The following ANKRD13C variants were observed in gnomAD, a reference collection of about 807,000 sequenced individuals.
The protein encoded by ANKRD13C is ankyrin repeat domain 13C.
A neutral mutation model predicts 65.5 loss-of-function variants in ANKRD13C; 16 were observed. The observed-to-expected ratio is 0.24, with a 90% CI of 0.17 to 0.37. The LOEUF is 0.37. ANKRD13C is among the 10% of genes least tolerant of loss of function. The pLI is 1.00. For missense variants in ANKRD13C, 503 were observed against 655.9 expected, an observed-to-expected ratio of 0.77 and a Z score of 2.55; for synonymous variants, 235 against 238.7, an observed-to-expected ratio of 0.98 and a Z score of 0.14.
At chr1:70,301,973 A>T (rs2101355544) in intron 6 of ANKRD13C, among the ~76,000 whole-genome samples, 2 of 152,256 alleles carry the variant, frequency 1.3e-5, no homozygotes, top group East Asian at 3.9e-4. Context: ...GCTCCGTGAA[A>T]AATCCACCCT....
At chr1:70,271,127 A>G (rs1441390037) in intron 11 of ANKRD13C, among the ~76,000 whole-genome samples, 171 bp from the exon 12 acceptor site, 3 of 152,160 alleles carry the variant, frequency 2.0e-5, no homozygotes, top group Admixed American at 1.3e-4. Flanking sequence ...ATGGTTTACA[A>G]CTTTTGATTG....
intron 1 of ANKRD13C, among the ~76,000 whole-genome samples, chr1:70,351,084 C>T (rs1248675775): frequency 6.6e-6 from 1 of 152,180 alleles, no homozygotes; most frequent in African/African-American, 2.4e-5. Context: ...TCACTTGAAC[C>T]CGGGAGGCAG....
chr1:70,330,029 G>T (rs2101564459), intron 2 of ANKRD13C, among the ~76,000 whole-genome samples: 1 of 150,710 alleles, frequency 6.6e-6, no homozygotes, highest in East Asian at 2.0e-4. Context: ...AGCAGAGATT[G>T]CAGTGAGCCG....
chr1:70,268,822 T>C (rs911914181), intron 12 of ANKRD13C, among the ~76,000 whole-genome samples: 1 of 152,198 alleles, frequency 6.6e-6, no homozygotes, highest in Non-Finnish European at 1.5e-5. Flanking sequence ...AAGCTCTGGC[T>C]GATTCTGAAA....
chr1:70,341,586 C>T (rs147153693), intron 1 of ANKRD13C, among the ~76,000 whole-genome samples: 372 of 152,076 alleles, frequency 2.4e-3, no homozygotes, highest in South Asian at 7.1e-3. Context: ...TCTTGAACTC[C>T]GGACCTCAAG....
intron 1 of ANKRD13C, among the ~76,000 whole-genome samples, chr1:70,342,588 A>AT (rs1382965173): frequency 1.3e-5 from 2 of 152,138 alleles, no homozygotes; most frequent in Admixed American, 1.3e-4. Flanking sequence ...AAATGTATAA[A>AT]TTCCTGAATA....
rs1355713170 is a variant in ANKRD13C, at chr1:70,259,454, G to A, written c.*3263C>T. Among the ~76,000 whole-genome samples the A allele has an allele frequency of 6.6e-6, 1 of 152,110 alleles. No homozygotes were observed. Among genetic ancestry groups the A allele is most frequent in the African/African-American group, 2.4e-5 (1 of 41,422 alleles). Reference sequence around the variant, plus strand: ...ACTGAAAGTATTACTCTTCTAAAATGAACTGTAACAATTAAAAAGCTCATC... The same window carrying A: ...ACTGAAAGTATTACTCTTCTAAAATAAACTGTAACAATTAAAAAGCTCATC... On this transcript the variant is annotated 3_prime_UTR_variant, in exon 13 of 13. Coordinates refer to ENST00000370944, the MANE Select transcript of ANKRD13C (RefSeq NM_030816.5).
chr1:70,298,997 C>T (rs1221384002), intron 7 of ANKRD13C, among the ~76,000 whole-genome samples: 2 of 151,568 alleles, frequency 1.3e-5, no homozygotes, highest in African/African-American at 4.9e-5. Context: ...AAGAACCCCA[C>T]GCCCTTGAGG....
chr1:70,346,787 G>A (rs954861479), intron 1 of ANKRD13C, among the ~76,000 whole-genome samples: 1 of 152,058 alleles, frequency 6.6e-6, no homozygotes, highest in East Asian at 1.9e-4. Context: ...GCCCGAGTGA[G>A]CCTTTTAAAA....
intron 1 of ANKRD13C, among the ~76,000 whole-genome samples, chr1:70,353,517 A>T (rs751667612): frequency 6.6e-6 from 1 of 152,214 alleles, no homozygotes; most frequent in Non-Finnish European, 1.5e-5. Context: ...ACCTGGTGGC[A>T]GGCAAAATCA....
intron 6 of ANKRD13C, among the ~76,000 whole-genome samples, chr1:70,305,481 C>A (rs1680548614): frequency 6.6e-6 from 1 of 152,002 alleles, no homozygotes; most frequent in Non-Finnish European, 1.5e-5. Flanking sequence ...GATATACAGA[C>A]ACACACATAC....
At chr1:70,323,890 A>AT (rs201329860) in intron 3 of ANKRD13C, among the ~76,000 whole-genome samples, 10,645 of 151,196 alleles carry the variant, frequency 0.07, 480 homozygotes, top group South Asian at 0.2. Flanking sequence ...ATGCCTGGCA[A>AT]TTTTTTTGTA....
At chr1:70,270,321 C>G (rs1468415439) in intron 12 of ANKRD13C, among the ~76,000 whole-genome samples, 2 of 152,256 alleles carry the variant, frequency 1.3e-5, no homozygotes, top group African/African-American at 4.8e-5. Flanking sequence ...TAATTTAAAT[C>G]AAGTAGAATA....
intron 1 of ANKRD13C, among the ~76,000 whole-genome samples, chr1:70,345,544 T>C (rs140682675): frequency 1.5e-3 from 221 of 152,168 alleles, no homozygotes; most frequent in African/African-American, 5.0e-3. Context: ...CTTGTACTGA[T>C]GCATGATTCT....
rs1678328016 is a variant in ANKRD13C at position 70,259,588 on chromosome 1, G to C, written c.*3129C>G. Among the ~76,000 whole-genome samples, 2 of 152,184 alleles carry C rather than the reference G, an allele frequency of 1.3e-5. No individual in the cohort carries two copies. The highest frequency in any genetic ancestry group is 4.1e-4 in the South Asian group (2 of 4,834). On this transcript the variant is annotated 3_prime_UTR_variant, in exon 13 of 13. Transcript: ENST00000370944. Reference sequence around the variant, plus strand: ...ACCAGAGTTAGTTACTATTGCCCCAGATTTCTGACATAAAATGCTTTGCAA... The same window carrying C: ...ACCAGAGTTAGTTACTATTGCCCCACATTTCTGACATAAAATGCTTTGCAA...
In ANKRD13C at chr1:70,292,431, T is replaced by C; in HGVS notation, c.1172A>G (p.Glu391Gly). The change falls in exon 9 of 13, where the codon GAG (glutamate) becomes GGG (glycine). Residue 391 changes from glutamate to glycine, a missense_variant. Around this residue, in one of 2 missense-constraint regions of ANKRD13C, gnomAD observed 300 missense variants for 478.3 expected, o/e 0.63. Coordinates refer to ENST00000370944, the MANE Select transcript of ANKRD13C (RefSeq NM_030816.5). Reference sequence around the variant, plus strand: ...TATGTTTCCACCTTTACTCAAACTCTCCATGATGGCCTTATTTCGAAGAAT... The same window carrying C: ...TATGTTTCCACCTTTACTCAAACTCCCCATGATGGCCTTATTTCGAAGAAT... The part of the protein sequence containing the change: ...EDILRNKAIM[E>G]SLSKGGNIME... 1 of 1,605,812 alleles carries C rather than the reference T, an allele frequency of 6.2e-7. No individual in the cohort carries two copies. The highest frequency in any genetic ancestry group is 8.5e-7 in the Non-Finnish European group (1 of 1,178,036).
chr1:70,274,877 A>G, intron 10 of ANKRD13C, 59 bp from the exon 11 acceptor site: 1 of 1,025,708 alleles, frequency 9.7e-7, no homozygotes, highest in Non-Finnish European at 1.5e-6. Flanking sequence ...CACCTTCCTA[A>G]GAAGCATCTG....
At chr1:70,308,991 T>A (rs1680717108) in intron 5 of ANKRD13C, among the ~76,000 whole-genome samples, 1 of 150,890 alleles carries the variant, frequency 6.6e-6, no homozygotes. Flanking sequence ...AAAAAGAGAG[T>A]TTTTAAATTT....
intron 12 of ANKRD13C, among the ~76,000 whole-genome samples, chr1:70,268,162 C>A (rs1382072004): frequency 5.3e-5 from 8 of 152,012 alleles, no homozygotes; most frequent in Non-Finnish European, 1.0e-4. Context: ...GTCACTCATA[C>A]AGCTAGCTTC....
Sources: allele counts gnomAD v4.1 joint callset (sites outside exome capture counted in the v4.1 genomes callset), GRCh38; gene constraint gnomAD v4.1.1; regional missense constraint gnomAD v4.1.1; transcripts MANE v1.5; gene names NCBI Gene and HGNC (gene_info 2026-07-23, HGNC 2026-07-21).